PSG1: variants seen among roughly 807,000 people sequenced by gnomAD.
PSG1 encodes the protein pregnancy-specific beta-1-glycoprotein 1.
Under a neutral mutation model 41.4 loss-of-function variants are expected in PSG1, and 60 were observed. The ratio of observed to expected loss-of-function variants is 1.45; its 90% confidence interval spans 1.18 to 1.80. The LOEUF (loss-of-function observed/expected upper bound fraction) is 1.80. Among genes scored for constraint, PSG1 ranks in the 40% most tolerant of loss-of-function variants. The pLI, the probability that PSG1 is intolerant of heterozygous loss-of-function variation, is 0.00. For synonymous variants in PSG1, 256 were observed against 192.9 expected, an observed-to-expected ratio of 1.33 and a Z score of -2.71; for missense variants, 806 against 516.9, an observed-to-expected ratio of 1.56 and a Z score of -5.42.
chr19:42,876,117 G>T (rs1204742753), intron 2 of PSG1, among the ~76,000 whole-genome samples: 1 of 151,396 alleles, frequency 6.6e-6, no homozygotes, highest in Non-Finnish European at 1.5e-5. Context: ...CAGCCAGAGT[G>T]GTTAGAGGGA....
chr19:42,879,155 T>G (rs1971756059), intron 1 of PSG1, among the ~76,000 whole-genome samples: 1 of 122,052 alleles, frequency 8.2e-6, no homozygotes, highest in South Asian at 3.0e-4. Context: ...TTTTTCTTTT[T>G]TCTTTTTTTT....
intron 2 of PSG1, among the ~76,000 whole-genome samples, chr19:42,876,243 C>T (rs944805648): frequency 4.6e-5 from 7 of 151,416 alleles, no homozygotes; most frequent in Non-Finnish European, 1.0e-4. Flanking sequence ...GCAGATACAC[C>T]ATGGCAGTGA....
chr19:42,867,810 A>G (rs188327636), intron 5 of PSG1: 2 of 1,255,806 alleles, frequency 1.6e-6, no homozygotes, highest in Non-Finnish European at 2.2e-6. Context: ...AAGAATCAGC[A>G]AATTTTCAAA....
rs867631072 is a variant in PSG1, at chr19:42,879,706, C to T, written c.-125G>A. Reference sequence around the variant, plus strand: ...GCTGAGCCTCTTCCCAGGGCAGGAGCAATTCTCAAGCTCATGGGCAGGGTC... The same window carrying T: ...GCTGAGCCTCTTCCCAGGGCAGGAGTAATTCTCAAGCTCATGGGCAGGGTC... On this transcript the variant is annotated 5_prime_UTR_variant, in exon 1 of 6. Coordinates refer to ENST00000436291, the MANE Select transcript of PSG1 (RefSeq NM_001184825.2). 2 of 1,422,058 alleles carry T rather than the reference C, an allele frequency of 1.4e-6. No homozygotes were observed. Among genetic ancestry groups the T allele is most frequent in the Admixed American group, 2.0e-5 (1 of 51,164 alleles). The allele number at this position is 1,422,058 out of a possible 1,614,324, so 88.1% of individuals were successfully genotyped here. A position where few individuals can be genotyped will look rare whatever the true frequency, so the allele number is the denominator to read the frequency against.
chr19:42,869,322 C>G (rs1346069347), intron 3 of PSG1: 1 of 596,914 alleles, frequency 1.7e-6, no homozygotes, highest in African/African-American at 1.8e-5. Flanking sequence ...TGGTACCCTT[C>G]CCAGGCCCTC....
intron 2 of PSG1, 77 bp downstream of exon 2, chr19:42,877,836 G>C: frequency 3.1e-6 from 5 of 1,608,356 alleles, no homozygotes; most frequent in Non-Finnish European, 4.3e-6. Context: ...GCAGAGTCCA[G>C]GCCTGACAAT....
chr19:42,873,185 A>G (rs1008852596), intron 2 of PSG1, among the ~76,000 whole-genome samples: 1 of 151,710 alleles, frequency 6.6e-6, no homozygotes, highest in Non-Finnish European at 1.5e-5. Context: ...TATACTTCAT[A>G]CAGATAAAGT....
At chr19:42,871,591 ATTG>A (rs1245817897) in intron 3 of PSG1, among the ~76,000 whole-genome samples, 173 bp downstream of exon 3, 5 of 151,458 alleles carry the variant, frequency 3.3e-5, no homozygotes, top group Admixed American at 2.0e-4. Context: ...CTTTTCTCCT[ATTG>A]TTGATGAAGC....
rs547097652 is a variant in PSG1 at position 42,877,159 on chromosome 19, A to C, written c.430+754T>G. On this transcript the variant is annotated intron_variant, in intron 2 of 5. Transcript: ENST00000436291. ...TATTAATTTGCTTCCATGAGAAAGC[A>C]CCTTTACGTCAGATCCCTGTGGACA... is the stretch of plus-strand genomic sequence containing the variant. Among the ~76,000 whole-genome samples the C allele has an allele frequency of 1.6e-3, 240 of 151,770 alleles. 7 individuals carry two copies. In the Middle Eastern group the frequency reaches 0.017, roughly 11 times the overall value.
chr19:42,868,988 C>T lies in PSG1; in HGVS notation c.756G>A (p.Arg252=), dbSNP rs1213810236. The T allele has an allele frequency of 2.5e-6, 4 of 1,610,546 alleles. No homozygotes were observed. Among genetic ancestry groups the T allele is most frequent in the Non-Finnish European group, 3.4e-6 (4 of 1,179,036 alleles). ...PYITINNLNP[R]ENKDVLNFTC... is the part of the protein sequence containing the mutation. Reference sequence around the variant, plus strand: ...TGAAGTTTAAGACATCCTTATTCTCCCTGGGGTTTAAGTTGTTGATGGTGA... The same window carrying T: ...TGAAGTTTAAGACATCCTTATTCTCTCTGGGGTTTAAGTTGTTGATGGTGA... The change falls in exon 4 of 6, where the codon AGG becomes AGA. Residue 252 remains arginine, a synonymous_variant. Coordinates refer to ENST00000436291, the MANE Select transcript of PSG1 (RefSeq NM_001184825.2).
At position 42,874,329 on chromosome 19, in the gene PSG1, G is replaced by A. The variant is rs182132482; in HGVS notation, c.431-2284C>T. ...TGCAGTCTACCAGTAAGCATCAAAA[G>A]CATTCTTCATTTCTCTAACAGGGTT... On this transcript the variant is annotated intron_variant, in intron 2 of 5. Coordinates refer to ENST00000436291, the MANE Select transcript of PSG1 (RefSeq NM_001184825.2). 5.1e-3 allele frequency among the ~76,000 whole-genome samples: 773 copies of A among 151,302 alleles called. 22 individuals carry two copies. Among genetic ancestry groups the A allele is most frequent in the Middle Eastern group, 0.02 (6 of 294 alleles).
intron 3 of PSG1, chr19:42,870,608 T>C (rs994668686): frequency 6.6e-6 from 1 of 151,650 alleles, no homozygotes; most frequent in Non-Finnish European, 1.5e-5. Context: ...TCATGTGAGA[T>C]TTAGGACAGT....
intron 3 of PSG1, 23 bp downstream of exon 3, chr19:42,871,744 A>G: frequency 1.2e-6 from 2 of 1,612,670 alleles, no homozygotes; most frequent in East Asian, 2.2e-5. Flanking sequence ...AGCCTGGCTC[A>G]CAGAGGAACA....
chr19:42,873,454 A>G (rs1971477861), intron 2 of PSG1, among the ~76,000 whole-genome samples: 1 of 151,658 alleles, frequency 6.6e-6, no homozygotes, highest in Non-Finnish European at 1.5e-5. Flanking sequence ...ATTTGTCAGG[A>G]GTTTAGACCT....
chr19:42,877,268 G>A (rs1223676827), intron 2 of PSG1, among the ~76,000 whole-genome samples: 2 of 151,574 alleles, frequency 1.3e-5, no homozygotes, highest in Non-Finnish European at 2.9e-5. Context: ...AGCCTCCTAA[G>A]GCAGTTGGGT....
chr19:42,868,476 C>T lies in PSG1; in HGVS notation c.989-121G>A, dbSNP rs529552103. 9.5e-6 allele frequency: 14 copies of T among 1,481,426 alleles called. No individual in the cohort carries two copies. The East Asian group carries it at 2.5e-4, about 27-fold the overall frequency. 91.8% of individuals were successfully genotyped at this position (1,481,426 alleles called of 1,614,324 possible). ...CACACCCTCAAGTCCCAGCCCAACC[C>T]CCTCTATGTTCACTGAGCCGAATCC... On this transcript the variant is annotated intron_variant, in intron 4 of 5. Coordinates refer to ENST00000436291, the MANE Select transcript of PSG1 (RefSeq NM_001184825.2).
rs1971416710 is a variant in PSG1 at position 42,872,059 on chromosome 19, A to T, written c.431-14T>A. ...TAGGAGTCTCCACTGTGCAGAAAAC[A>T]GGGTGAAGATTGCCGTGTGTGGCGC... On this transcript the variant is annotated splice_polypyrimidine_tract_variant and intron_variant, in intron 2 of 5. Coordinates refer to ENST00000436291, the MANE Select transcript of PSG1 (RefSeq NM_001184825.2). 1.2e-6 allele frequency: 2 copies of T among 1,603,908 alleles called. No individual in the cohort carries two copies. Among genetic ancestry groups the T allele is most frequent in the Non-Finnish European group, 1.7e-6 (2 of 1,174,780 alleles).
rs183748533 is a variant in PSG1 at position 42,876,333 on chromosome 19, G to A, written c.430+1580C>T. On this transcript the variant is annotated intron_variant, in intron 2 of 5. Transcript: ENST00000436291. Reference sequence around the variant, plus strand: ...CATAGTCCAGGACCAAGGAGCCCTCGAGAACCCTCCGGTGGCTTAAGAGCT... The same window carrying A: ...CATAGTCCAGGACCAAGGAGCCCTCAAGAACCCTCCGGTGGCTTAAGAGCT... 2.2e-3 allele frequency among the ~76,000 whole-genome samples: 329 copies of A among 151,376 alleles called. 10 individuals carry two copies. The highest frequency in any genetic ancestry group is 7.7e-3 in the African/African-American group (318 of 41,244).
At chr19:42,875,529 A>G (rs1971566692) in intron 2 of PSG1, among the ~76,000 whole-genome samples, 1 of 151,582 alleles carries the variant, frequency 6.6e-6, no homozygotes, top group African/African-American at 2.4e-5. Context: ...GACCTCATCC[A>G]TACCTATGAC....
Sources: allele counts gnomAD v4.1 joint callset (sites outside exome capture counted in the v4.1 genomes callset), GRCh38; gene constraint gnomAD v4.1.1; transcripts MANE v1.5; gene names NCBI Gene and HGNC (gene_info 2026-07-23, HGNC 2026-07-21).